Variants in BLM observed in about 807,000 individuals in gnomAD.
BLM encodes the protein BLM RecQ like helicase.
In BLM, 95 loss-of-function variants were observed where a neutral mutation model predicts 135.3. That is an observed-to-expected ratio of 0.70 (90% CI 0.59 to 0.83). BLM has a LOEUF of 0.83. Ranked by LOEUF, BLM falls within the 40% of genes least tolerant of loss-of-function variation. The pLI is 0.00. For synonymous variants in BLM, 520 were observed against 589.2 expected, an observed-to-expected ratio of 0.88 and a Z score of 1.70; for missense variants, 1,518 against 1,663.9, an observed-to-expected ratio of 0.91 and a Z score of 1.53.
chr15:90,773,357 T>C (rs530423156), intron 12 of BLM, among the ~76,000 whole-genome samples: 108 of 151,944 alleles, frequency 7.1e-4, no homozygotes, highest in Non-Finnish European at 1.3e-3. Context: ...GAGGCGGAGG[T>C]TGCAGTGATC....
intron 17 of BLM, among the ~76,000 whole-genome samples, chr15:90,803,110 C>CCTCAG (rs1349617367): frequency 6.6e-6 from 1 of 150,880 alleles, no homozygotes; most frequent in Non-Finnish European, 1.5e-5. Context: ...CTGCAGTGAA[C>CCTCAG]CATGATTGCA....
Position 90,804,400 on chromosome 15 carries a change from T to C in BLM, c.3751+41T>C, listed in dbSNP as rs755891625. On this transcript the variant is annotated intron_variant, in intron 19 of 21. Coordinates refer to ENST00000355112, the MANE Select transcript of BLM (RefSeq NM_000057.4). ...TCCTTTGTTACGTGGCACAGATTAA[T>C]AGGCCGAAAGTTAATCTTGCTAGGG... 1.9e-6 allele frequency: 3 copies of C among 1,561,524 alleles called. No homozygotes were observed. The South Asian group carries it at 3.3e-5, about 17-fold the overall frequency.
chr15:90,721,191 A>G (rs906031550), intron 1 of BLM, among the ~76,000 whole-genome samples: 4 of 152,194 alleles, frequency 2.6e-5, no homozygotes, highest in Non-Finnish European at 5.9e-5. Flanking sequence ...CAATTTTTTC[A>G]TAAATTTACT....
At chr15:90,718,636 A>G (rs1184912848) in intron 1 of BLM, among the ~76,000 whole-genome samples, 6 of 152,252 alleles carry the variant, frequency 3.9e-5, no homozygotes, top group African/African-American at 1.4e-4. Context: ...GTAGCTTATA[A>G]TCTACTGGGA....
At position 90,794,264 on chromosome 15, in the gene BLM, A is replaced by G. The variant is rs576199850; in HGVS notation, c.3117A>G (p.Ile1039Met). Residue 1039 changes from isoleucine (I) to methionine (M), a missense_variant, in exon 16 of 22, where the codon ATA (isoleucine) becomes ATG (methionine). By Grantham distance (10) the Ile-to-Met change is conservative. Around this residue, in one of 5 missense-constraint regions of BLM, gnomAD observed 626 missense variants for 681.1 expected, o/e 0.92. Coordinates refer to ENST00000355112, the MANE Select transcript of BLM (RefSeq NM_000057.4). ...AAAATATAACGGAATGCAGGAGAAT[A>G]CAGCTTTTGGCCTACTTTGGTGAAA... ...YCENITECRR[I>M]QLLAYFGENG... 2.1e-5 allele frequency: 33 copies of G among 1,607,180 alleles called. No homozygotes were observed. The East Asian group carries it at 7.0e-4, about 34-fold the overall frequency.
chr15:90,770,279 A>G (rs1027275964), intron 12 of BLM, among the ~76,000 whole-genome samples: 4 of 144,952 alleles, frequency 2.8e-5, no homozygotes, highest in Non-Finnish European at 6.0e-5. Flanking sequence ...GGTTCACGCC[A>G]TTCTCCCACC....
chr15:90,743,519 G>A (rs2151142237), intron 1 of BLM, among the ~76,000 whole-genome samples: 1 of 151,538 alleles, frequency 6.6e-6, no homozygotes, highest in Middle Eastern at 3.4e-3. Context: ...ACTGGTCTTT[G>A]TTATTGTGGA....
intron 10 of BLM, among the ~76,000 whole-genome samples, chr15:90,767,447 C>G (rs969618898): frequency 1.3e-5 from 2 of 152,192 alleles, no homozygotes; most frequent in African/African-American, 4.8e-5. Context: ...TTCCGTTGTG[C>G]TTCTCTGTAA....
In BLM at chr15:90,722,863, G is replaced by A. The variant is rs530369606; in HGVS notation, c.-5+5423G>A. On this transcript the variant is annotated intron_variant, in intron 1 of 21. Transcript: ENST00000355112. ...ATTATGTATTTATTTATTTTGAGAC[G>A]GAGTTTTGCTCTTGTTGCCCATTCT... 5.9e-5 allele frequency among the ~76,000 whole-genome samples: 9 copies of A among 152,122 alleles called. No individual in the cohort carries two copies. In the South Asian group the frequency reaches 1.0e-3, roughly 18 times the overall value.
intron 19 of BLM, among the ~76,000 whole-genome samples, chr15:90,804,728 G>A (rs1176385235): frequency 1.3e-5 from 2 of 152,172 alleles, no homozygotes; most frequent in Non-Finnish European, 2.9e-5. Flanking sequence ...GCCTGCCAGA[G>A]TGCTGGGATT....
chr15:90,774,281 A>G (rs1341059220), intron 12 of BLM, among the ~76,000 whole-genome samples: 1 of 150,934 alleles, frequency 6.6e-6, no homozygotes, highest in East Asian at 2.0e-4. Flanking sequence ...CATGTTGGCC[A>G]GGCTGTTCTC....
chr15:90,811,273 C>T lies in BLM; in HGVS notation c.3943C>T (p.Leu1315Phe), dbSNP rs959925706. The change falls in exon 21 of 22, where the codon CTC (leucine) becomes TTC (phenylalanine). Residue 1315 changes from leucine (L) to phenylalanine (F), a missense_variant. Coordinates refer to ENST00000355112, the MANE Select transcript of BLM (RefSeq NM_000057.4). ...RGPGRSAAEE[L>F]DEEIPVSSHY... The stretch of plus-strand genomic sequence containing the variant: ...CCCCGGAAGAAGTGCCGCTGAGGAG[C>T]TCGACGAGGAAATACCCGTATCTTC... The T allele has an allele frequency of 6.2e-7, 1 of 1,614,182 alleles. No individual in the cohort carries two copies. Among genetic ancestry groups the T allele is most frequent in the Non-Finnish European group, 8.5e-7 (1 of 1,180,042 alleles).
chr15:90,788,316 G>A (rs7175811), intron 14 of BLM, among the ~76,000 whole-genome samples: 67,274 of 151,852 alleles, frequency 0.44, 17,207 homozygotes, highest in African/African-American at 0.72. Flanking sequence ...GAAGAATTTC[G>A]TACCCAGCTC....
intron 14 of BLM, among the ~76,000 whole-genome samples, chr15:90,789,304 A>T (rs1391069797): frequency 6.6e-6 from 1 of 152,202 alleles, no homozygotes; most frequent in East Asian, 1.9e-4. Context: ...AAACAAAGCC[A>T]CTTTTCCCAA....
Position 90,747,491 on chromosome 15 carries a change from G to GT in BLM, c.98+2dup, listed in dbSNP as rs1555418016. 1.3e-6 allele frequency: 2 copies of GT among 1,591,844 alleles called. No individual in the cohort carries two copies. Among genetic ancestry groups the GT allele is most frequent in the South Asian group, 1.1e-5 (1 of 89,412 alleles). ...TAAGTCTTTCAAAACCAAAATTTTC[G>GT]TAAGTGTTTTGACTGGTTTGCTGTC... is the stretch of plus-strand genomic sequence containing the variant. On this transcript the variant is annotated splice_donor_variant, in intron 2 of 21. Transcript: ENST00000355112. LOFTEE classifies it high-confidence loss of function.
intron 12 of BLM, among the ~76,000 whole-genome samples, chr15:90,774,134 G>T (rs986499350): frequency 1.4e-5 from 2 of 145,722 alleles, no homozygotes; most frequent in African/African-American, 5.2e-5. Context: ...GAGTGCAGTG[G>T]TGCAATCTCG....
chr15:90,788,569 A>T (rs922626593), intron 14 of BLM, among the ~76,000 whole-genome samples: 22 of 151,260 alleles, frequency 1.5e-4, no homozygotes, highest in African/African-American at 5.4e-4. Context: ...AAAATAACTA[A>T]GAGAGTTTGG....
chr15:90,768,059 C>T (rs768750181), intron 10 of BLM, among the ~76,000 whole-genome samples: 2 of 151,684 alleles, frequency 1.3e-5, no homozygotes, highest in Admixed American at 6.6e-5. Context: ...TCTCCTGCCT[C>T]AGCCTCCCAA....
intron 7 of BLM, among the ~76,000 whole-genome samples, chr15:90,761,687 T>C (rs879616852): frequency 6.6e-6 from 1 of 152,212 alleles, no homozygotes; most frequent in Non-Finnish European, 1.5e-5. Flanking sequence ...GTTAAAATGT[T>C]AAAATATAGG....
Sources: gnomAD v4.1 joint callset for allele counts (sites outside exome capture counted in the v4.1 genomes callset) on GRCh38, gnomAD v4.1.1 for gene constraint, gnomAD v4.1.1 regional missense constraint, MANE v1.5 for transcripts, NCBI Gene and HGNC (gene_info 2026-07-23, HGNC 2026-07-21) for gene names.